CFAP263: variants seen among roughly 807,000 people sequenced by gnomAD.
CFAP263 encodes the protein cilia- and flagella-associated protein 263.
At chr16:58,258,346 C>A in the CFAP263 span, 1 of 1,611,498 alleles carries the variant, frequency 6.2e-7, no homozygotes, top group South Asian at 1.1e-5. Context: ...ACGTTCTTCT[C>A]TCTTTGTGCT....
the CFAP263 span, among the ~76,000 whole-genome samples, chr16:58,260,779 G>A: frequency 1.3e-5 from 2 of 152,166 alleles, no homozygotes; most frequent in Non-Finnish European, 2.9e-5. Context: ...AACATGTTGG[G>A]GGACTATTGC....
At chr16:58,278,406 A>G in the CFAP263 span, 4 of 1,325,258 alleles carry the variant, frequency 3.0e-6, no homozygotes, top group Non-Finnish European at 4.3e-6. Context: ...CTATGGGGAG[A>G]GATGGCAGGG....
the CFAP263 span, among the ~76,000 whole-genome samples, chr16:58,277,135 T>A: frequency 5.3e-5 from 8 of 151,812 alleles, no homozygotes; most frequent in Admixed American, 2.0e-4. Context: ...AATTTTTTTT[T>A]AAATTTTTTT....
At chr16:58,253,605 TTGTC>T in the CFAP263 span, among the ~76,000 whole-genome samples, 1,131 of 152,272 alleles carry the variant, frequency 7.4e-3, 13 homozygotes, top group Admixed American at 0.016. Context: ...AGATGTTTGT[TTGTC>T]TGTTTTGCTG....
chr16:58,276,903 G>GAGT, the CFAP263 span, among the ~76,000 whole-genome samples: 1 of 152,296 alleles, frequency 6.6e-6, no homozygotes, highest in Middle Eastern at 3.4e-3. Flanking sequence ...AAAGTGAATA[G>GAGT]AGTATGCTAC....
the CFAP263 span, among the ~76,000 whole-genome samples, chr16:58,274,023 A>G: frequency 6.6e-6 from 1 of 152,246 alleles, no homozygotes; most frequent in African/African-American, 2.4e-5. Context: ...CTAAGCTTAC[A>G]GCTGGTCTAC....
the CFAP263 span, among the ~76,000 whole-genome samples, chr16:58,275,193 A>G: frequency 6.6e-6 from 1 of 152,196 alleles, no homozygotes; most frequent in African/African-American, 2.4e-5. Context: ...TATTGAAACA[A>G]TGGAAGGTGC....
chr16:58,261,378 A>C, the CFAP263 span, among the ~76,000 whole-genome samples: 1 of 152,194 alleles, frequency 6.6e-6, no homozygotes, highest in Admixed American at 6.5e-5. Flanking sequence ...TCATGCAAGC[A>C]TGGGCATCAG....
chr16:58,267,721 C>T, the CFAP263 span: 3 of 616,344 alleles, frequency 4.9e-6, no homozygotes, highest in Non-Finnish European at 8.7e-6. Context: ...ATCAAAATAG[C>T]TCTGGGCCAT....
chr16:58,251,284 G>A, the CFAP263 span, among the ~76,000 whole-genome samples: 61,589 of 152,058 alleles, frequency 0.41, 12,816 homozygotes, highest in Non-Finnish European at 0.45. Context: ...TCAAACTCAG[G>A]TGTGACTCCA....
the CFAP263 span, among the ~76,000 whole-genome samples, chr16:58,272,017 ATTT>A: frequency 7.0e-6 from 1 of 142,562 alleles, no homozygotes; most frequent in Non-Finnish European, 1.5e-5. Flanking sequence ...CCACTCATAG[ATTT>A]TTTTTTTTTT....
the CFAP263 span, among the ~76,000 whole-genome samples, chr16:58,271,666 C>T: frequency 3.3e-5 from 5 of 152,158 alleles, no homozygotes; most frequent in Non-Finnish European, 5.9e-5. Context: ...TGATATTTTT[C>T]TCATAATTAT....
chr16:58,272,340 TATA>T, the CFAP263 span, among the ~76,000 whole-genome samples: 2 of 152,154 alleles, frequency 1.3e-5, no homozygotes, highest in Non-Finnish European at 2.9e-5. Context: ...TATGTTGGCT[TATA>T]ATATCATAAG....
At chr16:58,252,909 G>T in the CFAP263 span, 2 of 1,582,726 alleles carry the variant, frequency 1.3e-6, no homozygotes, top group Non-Finnish European at 1.7e-6. Flanking sequence ...AAATGCAAGT[G>T]GTATTTGTTT....
At chr16:58,278,818 C>A in the CFAP263 span, among the ~76,000 whole-genome samples, 1 of 151,972 alleles carries the variant, frequency 6.6e-6, no homozygotes, top group African/African-American at 2.4e-5. Context: ...GAAAGTTCCC[C>A]CTTTTGCATT....
the CFAP263 span, among the ~76,000 whole-genome samples, chr16:58,265,171 G>A: frequency 4.4e-4 from 67 of 152,172 alleles, no homozygotes; most frequent in Non-Finnish European, 9.4e-4. Flanking sequence ...CTGGCCCTTG[G>A]TGTCTACACC....
chr16:58,261,912 C>T, the CFAP263 span, among the ~76,000 whole-genome samples: 8 of 152,266 alleles, frequency 5.3e-5, no homozygotes, highest in Admixed American at 2.0e-4. Flanking sequence ...AGGGGGAAAT[C>T]GGTGGGCTGC....
chr16:58,261,488 C>G, the CFAP263 span, among the ~76,000 whole-genome samples: 2 of 152,144 alleles, frequency 1.3e-5, no homozygotes, highest in Non-Finnish European at 2.9e-5. Flanking sequence ...CCTGCCCTTG[C>G]GAGCTCATAG....
chr16:58,279,102 A>T, the CFAP263 span, among the ~76,000 whole-genome samples: 84 of 152,210 alleles, frequency 5.5e-4, no homozygotes, highest in African/African-American at 1.9e-3. Flanking sequence ...TGAATATGGT[A>T]CCATGTGACA....
Sources: gnomAD v4.1 joint callset for allele counts (sites outside exome capture counted in the v4.1 genomes callset) on GRCh38, gnomAD v4.1.1 for gene constraint, MANE v1.5 for transcripts, NCBI Gene and HGNC (gene_info 2026-07-23, HGNC 2026-07-21) for gene names.